Variants in LORICRIN observed in about 807,000 individuals in gnomAD.
LORICRIN encodes loricrin cornified envelope precursor protein.
A neutral mutation model predicts 3.3 loss-of-function variants in LORICRIN; 5 were observed. The observed-to-expected ratio is 1.52, with a 90% CI of 0.79 to 3.19. The LOEUF is 3.19. Ranked by LOEUF, LORICRIN falls within the 30% of genes most tolerant of loss-of-function variation. The probability of loss-of-function intolerance (pLI) is 0.00; values close to 1 mark genes in which losing one functional copy is unlikely to be tolerated. For missense variants in LORICRIN, 524 were observed against 460.2 expected (o/e 1.14, Z -1.27); for synonymous variants, 237 against 231.4 (o/e 1.02, Z -0.22).
chr1:153,260,790 T>C (rs1370190413), intron 1 of LORICRIN, 137 bp from the exon 2 acceptor site: 5 of 554,612 alleles, frequency 9.0e-6, no homozygotes, highest in Non-Finnish European at 1.6e-5. Context: ...AAAGCAGCAA[T>C]CATAAGAAAC....
chr1:153,261,440 T>C lies in LORICRIN; in HGVS notation c.491T>C (p.Val164Ala), dbSNP rs1249656283. 1.5e-6 allele frequency: 2 copies of C among 1,361,190 alleles called. No individual in the cohort carries two copies. The highest frequency in any genetic ancestry group is 4.0e-5 in the African/African-American group (2 of 50,208). The allele number at this position is 1,361,190 out of a possible 1,614,324, so 84.3% of individuals were successfully genotyped here. A position where few individuals can be genotyped will look rare whatever the true frequency, so the allele number is the denominator to read the frequency against. The stretch of plus-strand genomic sequence containing the variant: ...GTCCAGTGCCAGAGCTACGGAGGCG[T>C]CTCTAGCGGCGGCTCCTCCGGGGGC... ...QAVQCQSYGG[V>A]SSGGSSGGGS... The change falls in exon 2 of 2, where the codon GTC (valine) becomes GCC (alanine). Residue 164 changes from valine (V) to alanine (A), a missense_variant. Coordinates refer to ENST00000368742, the MANE Select transcript of LORICRIN (RefSeq NM_000427.3).
At position 153,261,704 on chromosome 1, in the gene LORICRIN, G is replaced by A. The variant is rs1000114609; in HGVS notation, c.755G>A (p.Cys252Tyr). ...GGCGGGGGCGGCGGGAGCTCCGGCTGCGGCGGCGGCTCCTCCGGGATTGGC... is the reference window on the plus strand; with the variant it reads ...GGCGGGGGCGGCGGGAGCTCCGGCTACGGCGGCGGCTCCTCCGGGATTGGC... ...SSGGGGGSSG[C>Y]GGGSSGIGSG... Residue 252 changes from cysteine (C) to tyrosine (Y), a missense_variant, in exon 2 of 2, where the codon TGC becomes TAC. Cys to Tyr is a radical substitution (Grantham distance 194, BLOSUM62 -2). Transcript: ENST00000368742. 10 of 1,518,284 alleles carry A rather than the reference G, an allele frequency of 6.6e-6. No individual in the cohort carries two copies. In the African/African-American group the frequency reaches 1.3e-4, roughly 20 times the overall value. The allele number at this position is 1,518,284 out of a possible 1,614,324, so 94.1% of individuals were successfully genotyped here. A position where few individuals can be genotyped will look rare whatever the true frequency, so the allele number is the denominator to read the frequency against.
At chr1:153,259,913 T>C (rs1483651268) in intron 1 of LORICRIN, among the ~76,000 whole-genome samples, 180 bp downstream of exon 1, 1 of 152,202 alleles carries the variant, frequency 6.6e-6, no homozygotes, top group Admixed American at 6.5e-5. Context: ...GCCATGCAGA[T>C]GGTGTTTCTG....
chr1:153,260,353 G>C (rs1033900674), intron 1 of LORICRIN, among the ~76,000 whole-genome samples: 2 of 152,194 alleles, frequency 1.3e-5, no homozygotes, highest in African/African-American at 4.8e-5. Flanking sequence ...GGCCACAGCA[G>C]AGCCTGTCTT....
chr1:153,261,393 C>T lies in LORICRIN; in HGVS notation c.444C>T (p.Gly148=). Residue 148 remains glycine, a synonymous_variant, in exon 2 of 2, where the codon GGC becomes GGT. Transcript: ENST00000368742. ...GGGSGCFSSG[G]GGFSGQAVQC... The stretch of plus-strand genomic sequence containing the variant: ...GCTCCGGCTGCTTCTCCTCCGGCGG[C>T]GGCGGCTTCTCGGGCCAGGCGGTCC... 2 of 1,490,378 alleles carry T rather than the reference C, an allele frequency of 1.3e-6. No homozygotes were observed. Among genetic ancestry groups the T allele is most frequent in the Admixed American group, 2.2e-5 (1 of 46,304 alleles). 92.3% of individuals were successfully genotyped at this position (1,490,378 alleles called of 1,614,324 possible).
At chr1:153,260,713 T>C (rs1658745391) in intron 1 of LORICRIN, among the ~76,000 whole-genome samples, 1 of 152,192 alleles carries the variant, frequency 6.6e-6, no homozygotes, top group African/African-American at 2.4e-5. Context: ...GAATGGGCAC[T>C]GCTAACTGGG....
Position 153,261,411 on chromosome 1 carries a change from G to C in LORICRIN, c.462G>C (p.Gln154His), listed in dbSNP as rs1380924150. 4 of 1,465,810 alleles carry C rather than the reference G, an allele frequency of 2.7e-6. No homozygotes were observed. Among genetic ancestry groups the C allele is most frequent in the Non-Finnish European group, 3.6e-6 (4 of 1,116,164 alleles). The allele number at this position is 1,465,810 out of a possible 1,614,324, so 90.8% of individuals were successfully genotyped here. The change falls in exon 2 of 2, where the codon CAG becomes CAC. Residue 154 changes from glutamine to histidine, a missense_variant. Gln to His is a conservative substitution (Grantham distance 24). Transcript: ENST00000368742. Reference protein sequence around the residue: ...FSSGGGGFSGQAVQCQSYGGV... With the variant: ...FSSGGGGFSGHAVQCQSYGGV... ...CCGGCGGCGGCGGCTTCTCGGGCCA[G>C]GCGGTCCAGTGCCAGAGCTACGGAG...
Position 153,261,649 on chromosome 1 carries a change from G to T in LORICRIN, c.700G>T (p.Gly234Cys), listed in dbSNP as rs763812958. The T allele has an allele frequency of 1.4e-5, 21 of 1,510,168 alleles. No homozygotes were observed. The East Asian group carries it at 2.3e-4, about 17-fold the overall frequency. The allele number at this position is 1,510,168 out of a possible 1,614,324, so 93.5% of individuals were successfully genotyped here. A position where few individuals can be genotyped will look rare whatever the true frequency, so the allele number is the denominator to read the frequency against. The change falls in exon 2 of 2, where the codon GGC becomes TGC. Residue 234 changes from glycine to cysteine, a missense_variant. Transcript: ENST00000368742. Reference protein sequence around the residue: ...SYGGGSSGGGGSGGSGCFSSG... With the variant: ...SYGGGSSGGGCSGGSGCFSSG... ...CGGAGGGGGGTCGTCCGGCGGCGGCGGCAGCGGCGGAAGCGGCTGCTTCTC... is the reference window on the plus strand; with the variant it reads ...CGGAGGGGGGTCGTCCGGCGGCGGCTGCAGCGGCGGAAGCGGCTGCTTCTC...
chr1:153,260,295 G>A (rs1021783750), intron 1 of LORICRIN, among the ~76,000 whole-genome samples: 6 of 152,180 alleles, frequency 3.9e-5, no homozygotes, highest in Non-Finnish European at 1.5e-5. Context: ...TCTGGTCGGG[G>A]ATGTTGGTCC....
chr1:153,260,552 T>A (rs1658739219), intron 1 of LORICRIN, among the ~76,000 whole-genome samples: 2 of 152,184 alleles, frequency 1.3e-5, no homozygotes, highest in South Asian at 4.1e-4. Context: ...GTTTTCTATT[T>A]GCACTCAGAG....
Position 153,261,011 on chromosome 1 carries a change from G to A in LORICRIN, c.62G>A (p.Gly21Asp), listed in dbSNP as rs764246340. The A allele has an allele frequency of 6.4e-7, 1 of 1,565,484 alleles. No homozygotes were observed. Among genetic ancestry groups the A allele is most frequent in the Non-Finnish European group, 8.7e-7 (1 of 1,155,296 alleles). ...QPPVDCVKTS[G>D]GGGGGGGSGG... ...CCAGTGGACTGCGTGAAGACCTCTGGCGGCGGTGGCGGTGGCGGCGGCAGC... is the reference window on the plus strand; with the variant it reads ...CCAGTGGACTGCGTGAAGACCTCTGACGGCGGTGGCGGTGGCGGCGGCAGC... Residue 21 changes from glycine to aspartate, a missense_variant, in exon 2 of 2, where the codon GGC (glycine) becomes GAC (aspartate). By Grantham distance (94) the Gly-to-Asp change is moderately conservative. Transcript: ENST00000368742.
Position 153,261,687 on chromosome 1 carries a change from CGGCGGGAGCTCCG to C in LORICRIN, c.740_752del (p.Gly247AlafsTer88). 6.6e-7 allele frequency: 1 copy of C among 1,504,842 alleles called. No homozygotes were observed. Among genetic ancestry groups the C allele is most frequent in the South Asian group, 1.3e-5 (1 of 79,046 alleles). The allele number at this position is 1,504,842 out of a possible 1,614,324, so 93.2% of individuals were successfully genotyped here. A position where few individuals can be genotyped will look rare whatever the true frequency, so the allele number is the denominator to read the frequency against. ...GCGGCTGCTTCTCCAGCGGCGGGGG[CGGCGGGAGCTCCG>C]GCTGCGGCGGCGGCTCCTCCGGGAT... On this transcript the variant is annotated frameshift_variant, in exon 2 of 2. Transcript: ENST00000368742. LOFTEE classifies it high-confidence loss of function.
rs752360018 is a variant in LORICRIN at position 153,261,090 on chromosome 1, C to T, written c.141C>T (p.Ser47=). The T allele has an allele frequency of 1.4e-6, 2 of 1,471,908 alleles. No individual in the cohort carries two copies. Among genetic ancestry groups the T allele is most frequent in the Non-Finnish European group, 1.8e-6 (2 of 1,109,824 alleles). 91.2% of individuals were successfully genotyped at this position (1,471,908 alleles called of 1,614,324 possible). A position where few individuals can be genotyped will look rare whatever the true frequency, so the allele number is the denominator to read the frequency against. The part of the protein sequence containing the change: ...FGGGGSGGGS[S]GSGCGYSGGG... ...GCGGCGGCTCAGGGGGCGGTAGCAG[C>T]GGTTCTGGCTGCGGCTACTCCGGCG... Residue 47 remains serine (S), a synonymous_variant, in exon 2 of 2, where the codon AGC becomes AGT. Coordinates refer to ENST00000368742, the MANE Select transcript of LORICRIN (RefSeq NM_000427.3).
At chr1:153,260,885 C>A in intron 1 of LORICRIN, 42 bp from the exon 2 acceptor site, 1 of 1,397,176 alleles carries the variant, frequency 7.2e-7, no homozygotes, top group Non-Finnish European at 1.0e-6. Flanking sequence ...CGTAAGTATC[C>A]TCTTGCAGCT....
chr1:153,261,424 CAGA>C lies in LORICRIN; in HGVS notation c.476_478del (p.Gln159_Ser160delinsArg). On this transcript the variant is annotated inframe_deletion, in exon 2 of 2. Coordinates refer to ENST00000368742, the MANE Select transcript of LORICRIN (RefSeq NM_000427.3). ...CTTCTCGGGCCAGGCGGTCCAGTGCCAGAGCTACGGAGGCGTCTCTAGCGGCGG... is the reference window on the plus strand; with the variant it reads ...CTTCTCGGGCCAGGCGGTCCAGTGCCGCTACGGAGGCGTCTCTAGCGGCGG... 6.9e-7 allele frequency: 1 copy of C among 1,452,166 alleles called. No homozygotes were observed. The highest frequency in any genetic ancestry group is 1.3e-5 in the South Asian group (1 of 78,656). The allele number at this position is 1,452,166 out of a possible 1,614,324, so 90.0% of individuals were successfully genotyped here.
chr1:153,261,551 C>CCG lies in LORICRIN; in HGVS notation c.602_603insCG (p.Gly202ValfsTer138). On this transcript the variant is annotated frameshift_variant, in exon 2 of 2. Transcript: ENST00000368742. LOFTEE classifies it low-confidence loss of function (END_TRUNC). ...GGCTCTGGCTGCGGCGGAGGCTCCT[C>CCG]TGGCGGCAGCGGCTCCGGCTACGTC... 1.1e-6 allele frequency: 1 copy of CCG among 940,570 alleles called. No individual in the cohort carries two copies. The highest frequency in any genetic ancestry group is 1.5e-6 in the Non-Finnish European group (1 of 650,398). 58.3% of individuals were successfully genotyped at this position (940,570 alleles called of 1,614,324 possible).
rs1195582324 is a variant in LORICRIN, at chr1:153,261,836, C to G, written c.887C>G (p.Pro296Arg). The G allele has an allele frequency of 4.3e-6, 7 of 1,611,192 alleles. No homozygotes were observed. In the South Asian group the frequency reaches 4.4e-5, roughly 10 times the overall value. The change falls in exon 2 of 2, where the codon CCG (proline) becomes CGG (arginine). Residue 296 changes from proline (P) to arginine (R), a missense_variant. Pro to Arg is a moderately radical substitution (Grantham distance 103). Transcript: ENST00000368742. The part of the protein sequence containing the change: ...VGGSGSGKGV[P>R]ICHQTQQKQA... ...GGCTCCGGGAGTGGCAAGGGCGTCC[C>G]GATCTGCCACCAGACCCAGCAGAAG...
Position 153,261,639 on chromosome 1 carries a change from C to T in LORICRIN, c.690C>T (p.Ser230=), listed in dbSNP as rs961499322. ...APQPSYGGGS[S]GGGGSGGSGC... ...AGCCGAGTTACGGAGGGGGGTCGTC[C>T]GGCGGCGGCGGCAGCGGCGGAAGCG... The change falls in exon 2 of 2, where the codon TCC becomes TCT. Residue 230 remains serine (S), a synonymous_variant. Transcript: ENST00000368742. The T allele has an allele frequency of 6.6e-6, 10 of 1,513,722 alleles. No homozygotes were observed. In the Admixed American group the frequency reaches 8.3e-5, roughly 13 times the overall value. The allele number at this position is 1,513,722 out of a possible 1,614,324, so 93.8% of individuals were successfully genotyped here.
chr1:153,261,877 C>T lies in LORICRIN; in HGVS notation c.928C>T (p.Pro310Ser). 1 of 1,611,146 alleles carries T rather than the reference C, an allele frequency of 6.2e-7. No individual in the cohort carries two copies. The highest frequency in any genetic ancestry group is 1.1e-5 in the South Asian group (1 of 90,568). Residue 310 changes from proline to serine, a missense_variant, in exon 2 of 2, where the codon CCG (proline) becomes TCG (serine). Transcript: ENST00000368742. ...QTQQKQAPTWPSK is the reference protein window; with the variant it reads ...QTQQKQAPTWSSK ...CCAGCAGAAGCAGGCGCCTACCTGG[C>T]CGTCCAAATAGATCCCCCAGGGTAC... is the stretch of plus-strand genomic sequence containing the variant.
Sources: gnomAD v4.1 joint callset for allele counts (sites outside exome capture counted in the v4.1 genomes callset) on GRCh38, gnomAD v4.1.1 for gene constraint, MANE v1.5 for transcripts, NCBI Gene and HGNC (gene_info 2026-07-23, HGNC 2026-07-21) for gene names.